DMXL2: variants seen among roughly 807,000 people sequenced by gnomAD.
DMXL2 encodes the protein dmX-like protein 2.
Under a neutral mutation model 331.1 loss-of-function variants are expected in DMXL2, and 103 were observed. The observed-to-expected ratio is 0.31, with a 90% CI of 0.27 to 0.37. The LOEUF (loss-of-function observed/expected upper bound fraction) is 0.37. Among genes scored for constraint, DMXL2 ranks in the 10% least tolerant of loss-of-function variants. The pLI, the probability that DMXL2 is intolerant of heterozygous loss-of-function variation, is 1.00. For missense variants in DMXL2, 3,171 were observed against 3,642.9 expected, an observed-to-expected ratio of 0.87 and a Z score of 3.33; for synonymous variants, 1,281 against 1,252.1, an observed-to-expected ratio of 1.02 and a Z score of -0.49.
intron 23 of DMXL2, among the ~76,000 whole-genome samples, chr15:51,482,350 CAT>C (rs1209585580): frequency 6.6e-6 from 1 of 152,076 alleles, no homozygotes; most frequent in Non-Finnish European, 1.5e-5. Context: ...CTTATATGCA[CAT>C]AGATAGCAAA....
At chr15:51,544,098 GA>G (rs199874054) in intron 8 of DMXL2, among the ~76,000 whole-genome samples, 2,886 of 152,112 alleles carry the variant, frequency 0.019, 92 homozygotes, top group African/African-American at 0.065. Flanking sequence ...TTTAAATATT[GA>G]AAAAAATGTA....
At chr15:51,491,956 T>C (rs996687807) in intron 19 of DMXL2, among the ~76,000 whole-genome samples, 31 of 152,212 alleles carry the variant, frequency 2.0e-4, no homozygotes, top group Admixed American at 7.9e-4. Context: ...TCCAAATCTC[T>C]TTTTCCCCAA....
At chr15:51,466,131 T>G in intron 30 of DMXL2, 53 bp downstream of exon 30, 1 of 1,301,900 alleles carries the variant, frequency 7.7e-7, no homozygotes. Context: ...ATTGATATTT[T>G]CTACAAAAAG....
intron 13 of DMXL2, among the ~76,000 whole-genome samples, chr15:51,525,000 T>G (rs1244273920): frequency 6.6e-6 from 1 of 151,558 alleles, no homozygotes; most frequent in African/African-American, 2.4e-5. Flanking sequence ...TCCTTCTGCT[T>G]GAAGAGAGGC....
At chr15:51,611,635 C>T (rs1428188019) in intron 1 of DMXL2, among the ~76,000 whole-genome samples, 2 of 152,166 alleles carry the variant, frequency 1.3e-5, no homozygotes, top group South Asian at 2.1e-4. Context: ...AGTCTTAATT[C>T]TATCACAGTA....
intron 6 of DMXL2, among the ~76,000 whole-genome samples, chr15:51,552,419 C>T (rs528761951): frequency 8.5e-5 from 13 of 152,294 alleles, no homozygotes; most frequent in Non-Finnish European, 1.3e-4. Flanking sequence ...CTTCAAAAAC[C>T]TTAGCTGCTT....
At chr15:51,459,467 A>T in intron 34 of DMXL2, 131 bp downstream of exon 34, 1 of 613,122 alleles carries the variant, frequency 1.6e-6, no homozygotes, top group Non-Finnish European at 2.5e-6. Flanking sequence ...TGTGCCACTG[A>T]AGTGGTATGG....
Position 51,532,679 on chromosome 15 carries a change from T to A in DMXL2, c.2436+2984A>T, listed in dbSNP as rs187524783. Among the ~76,000 whole-genome samples, 1,489 of 152,222 alleles carry A rather than the reference T, an allele frequency of 9.8e-3. 17 individuals are homozygous for A. Among genetic ancestry groups the A allele is most frequent in the African/African-American group, 0.033 (1,386 of 41,540 alleles). The stretch of plus-strand genomic sequence containing the variant: ...ATCTACTATGTACCCACAAAAATTT[T>A]AAAAAAATTTTTTAAACCTGCAACT... On this transcript the variant is annotated intron_variant, in intron 13 of 43. Transcript: ENST00000560891.
chr15:51,580,366 C>T (rs2051325697), intron 1 of DMXL2, among the ~76,000 whole-genome samples: 2 of 152,108 alleles, frequency 1.3e-5, no homozygotes, highest in Non-Finnish European at 2.9e-5. Context: ...ATACTTCTGA[C>T]TAAGCTAAGT....
chr15:51,458,638 A>G lies in DMXL2; in HGVS notation c.8077-11T>C, dbSNP rs1453753642. The stretch of plus-strand genomic sequence containing the variant: ...TTCATTACAATTTGCCTATAAAGCA[A>G]AGGCAGAATCGATGATTTAAGCAAT... On this transcript the variant is annotated splice_polypyrimidine_tract_variant and intron_variant, in intron 35 of 43. Transcript: ENST00000560891. 1 of 1,614,018 alleles carries G rather than the reference A, an allele frequency of 6.2e-7. No individual in the cohort carries two copies. The highest frequency in any genetic ancestry group is 1.7e-5 in the Admixed American group (1 of 60,036).
Position 51,458,557 on chromosome 15 carries a change from G to A in DMXL2, c.8147C>T (p.Ala2716Val). The stretch of plus-strand genomic sequence containing the variant: ...TCCGATCCATATGTATGACTGACAG[G>A]CCAGTAGAGAAGTAACATCAAGTTC... ...VQELDVTSLL[A>V]CQSYIWIGEE... is the part of the protein sequence containing the mutation. Residue 2716 changes from alanine (A) to valine (V), a missense_variant, in exon 36 of 44, where the codon GCC becomes GTC. Physicochemically the swap from Ala to Val is moderately conservative, Grantham distance 64. This residue lies in a region of DMXL2 where 766 missense variants were observed against 940.5 expected (regional missense o/e 0.81). Transcript: ENST00000560891. 1.2e-6 allele frequency: 2 copies of A among 1,613,856 alleles called. No homozygotes were observed. The highest frequency in any genetic ancestry group is 1.7e-6 in the Non-Finnish European group (2 of 1,179,810).
chr15:51,502,640 A>G (rs2043754623), intron 17 of DMXL2, among the ~76,000 whole-genome samples, 166 bp downstream of exon 17: 1 of 152,168 alleles, frequency 6.6e-6, no homozygotes, highest in African/African-American at 2.4e-5. Flanking sequence ...TATTTCTAAT[A>G]AAGACATGTT....
chr15:51,588,131 CT>C (rs2052002347), intron 1 of DMXL2, among the ~76,000 whole-genome samples: 1 of 148,904 alleles, frequency 6.7e-6, no homozygotes, highest in Non-Finnish European at 1.5e-5. Flanking sequence ...CCTGTTCACT[CT>C]GATGGTGATG....
chr15:51,586,365 G>A (rs1489712330), intron 1 of DMXL2, among the ~76,000 whole-genome samples: 2 of 152,030 alleles, frequency 1.3e-5, no homozygotes, highest in Non-Finnish European at 2.9e-5. Context: ...GACAAAGCTT[G>A]ACTACAAATA....
At chr15:51,482,657 G>A (rs867169868) in intron 23 of DMXL2, among the ~76,000 whole-genome samples, 1 of 152,190 alleles carries the variant, frequency 6.6e-6, no homozygotes, top group Non-Finnish European at 1.5e-5. Context: ...GGCAGGAAAT[G>A]TACAAGATGA....
At chr15:51,475,189 CAACATT>C (rs1343511951) in intron 27 of DMXL2, among the ~76,000 whole-genome samples, 3 of 151,944 alleles carry the variant, frequency 2.0e-5, no homozygotes, top group Non-Finnish European at 4.4e-5. Flanking sequence ...AACCTGAATC[CAACATT>C]AAGAAAAAAA....
At chr15:51,489,888 A>T (rs2042670263) in intron 20 of DMXL2, among the ~76,000 whole-genome samples, 1 of 152,214 alleles carries the variant, frequency 6.6e-6, no homozygotes, top group Non-Finnish European at 1.5e-5. Context: ...GAAATAAATT[A>T]CTTGTGGAAA....
At position 51,449,046 on chromosome 15, in the gene DMXL2, G is replaced by A; in HGVS notation, c.9115C>T (p.Leu3039=). The A allele has an allele frequency of 6.2e-7, 1 of 1,614,150 alleles. No homozygotes were observed. Among genetic ancestry groups the A allele is most frequent in the Non-Finnish European group, 8.5e-7 (1 of 1,180,030 alleles). Residue 3039 remains leucine, a synonymous_variant, in exon 44 of 44, where the codon CTG becomes TTG. Transcript: ENST00000560891. ...GCATTGGGCAAAACCCTGGTTTTCA[G>A]CGTGCCATCTGCACCACAGGAGAAG... The part of the protein sequence containing the change: ...RLFSCGADGT[L]KTRVLPNAFN...
intron 14 of DMXL2, among the ~76,000 whole-genome samples, chr15:51,515,450 G>A (rs1379867711): frequency 6.6e-6 from 1 of 152,106 alleles, no homozygotes; most frequent in Non-Finnish European, 1.5e-5. Context: ...ATTAGGTTGG[G>A]CCATACAATT....
Sources: gnomAD v4.1 joint callset for allele counts (sites outside exome capture counted in the v4.1 genomes callset) on GRCh38, gnomAD v4.1.1 for gene constraint, gnomAD v4.1.1 regional missense constraint, MANE v1.5 for transcripts, NCBI Gene and HGNC (gene_info 2026-07-23, HGNC 2026-07-21) for gene names.